The following GALK2 variants were observed in gnomAD, a reference collection of about 807,000 sequenced individuals.
GALK2 encodes galactokinase 2.
GALK2 carries 36 observed loss-of-function variants against 52.4 expected under a neutral mutation model. That is an observed-to-expected ratio of 0.69 (90% confidence interval 0.53 to 0.91). GALK2 has a LOEUF of 0.91. Among genes scored for constraint, GALK2 ranks in the 40% least tolerant of loss-of-function variants. The pLI is 0.00. For missense variants in GALK2, 579 were observed against 559.1 expected, an observed-to-expected ratio of 1.04 and a Z score of -0.36; for synonymous variants, 176 against 199.1, an observed-to-expected ratio of 0.88 and a Z score of 0.98.
intron 7 of GALK2, among the ~76,000 whole-genome samples, chr15:49,284,721 A>C (rs1205294219): frequency 6.6e-6 from 1 of 152,160 alleles, no homozygotes; most frequent in Admixed American, 6.5e-5. Context: ...GATTCAGCCT[A>C]ACTTCCAAAA....
chr15:49,330,152 G>T lies in GALK2; in HGVS notation c.*1993G>T, dbSNP rs1246111844. 6.6e-6 allele frequency: 1 copy of T among 152,248 alleles called. No homozygotes were observed. The highest frequency in any genetic ancestry group is 2.4e-5 in the African/African-American group (1 of 41,428). 9.4% of individuals were successfully genotyped at this position (152,248 alleles called of 1,614,324 possible). ...AGATGAGTAGAGTTTAAAAGCTGTGGAGTGCACACTGCAGATGAGCAAAGC... is the reference window on the plus strand; with the variant it reads ...AGATGAGTAGAGTTTAAAAGCTGTGTAGTGCACACTGCAGATGAGCAAAGC... On this transcript the variant is annotated 3_prime_UTR_variant, in exon 10 of 10. Transcript: ENST00000560031.
chr15:49,225,097 T>A (rs2090050604), intron 3 of GALK2: 1 of 409,138 alleles, frequency 2.4e-6, no homozygotes, highest in Non-Finnish European at 4.8e-6. Context: ...AGTAGTGGTC[T>A]ATAGTGGGGT....
chr15:49,219,368 C>A (rs1307863474), intron 3 of GALK2, among the ~76,000 whole-genome samples: 1 of 152,184 alleles, frequency 6.6e-6, no homozygotes, highest in Non-Finnish European at 1.5e-5. Context: ...TAAGACGTGA[C>A]TTGCTCCTCC....
intron 3 of GALK2, among the ~76,000 whole-genome samples, chr15:49,361,837 G>A (rs907335312): frequency 1.3e-5 from 2 of 152,084 alleles, no homozygotes; most frequent in Non-Finnish European, 2.9e-5. Context: ...TTTCCACAAC[G>A]GTTGAACTAA....
rs569080171 is a variant in GALK2, at chr15:49,239,003, G to T, written c.358-218G>T. 1.7e-4 allele frequency among the ~76,000 whole-genome samples: 26 copies of T among 152,032 alleles called. No homozygotes were observed. The South Asian group carries it at 4.8e-3, about 28-fold the overall frequency. ...ATATTCAAGAAAAAGAACATTCAAG[G>T]CAAGAAAATTAAAGGCATTTAAGGG... On this transcript the variant is annotated intron_variant, in intron 4 of 9. Coordinates refer to ENST00000560031, the MANE Select transcript of GALK2 (RefSeq NM_002044.4).
Position 49,181,615 on chromosome 15 carries a change from G to A in GALK2, c.53+11240G>A, listed in dbSNP as rs187299007. The stretch of plus-strand genomic sequence containing the variant: ...CAGCCTCCACCTCCTGGGTTCAAGC[G>A]ATTCTTGTGCCTCAGCCTCCCGAGT... On this transcript the variant is annotated intron_variant, in intron 1 of 9. Coordinates refer to ENST00000560031, the MANE Select transcript of GALK2 (RefSeq NM_002044.4). Among the ~76,000 whole-genome samples, 908 of 150,256 alleles carry A rather than the reference G, an allele frequency of 6.0e-3. 8 individuals carry two copies. The highest frequency in any genetic ancestry group is 9.9e-3 in the Non-Finnish European group (671 of 67,778).
At position 49,257,844 on chromosome 15, in the gene GALK2, A is replaced by C. The variant is rs184165929; in HGVS notation, c.504+18477A>C. On this transcript the variant is annotated intron_variant, in intron 5 of 9. Transcript: ENST00000560031. ...TAGAAATGATTATATGTTCCTTAAA[A>C]TTTTTTTAACTGTAAAAGCAATATA... Among the ~76,000 whole-genome samples, 326 of 151,506 alleles carry C rather than the reference A, an allele frequency of 2.2e-3. 2 individuals are homozygous for C. Among genetic ancestry groups the C allele is most frequent in the Middle Eastern group, 3.4e-3 (1 of 290 alleles).
chr15:49,214,496 ATT>A (rs35538212), intron 2 of GALK2, among the ~76,000 whole-genome samples: 22,603 of 129,904 alleles, frequency 0.17, 2,000 homozygotes, highest in Non-Finnish European at 0.21. Context: ...ACACCCGGCT[ATT>A]TTTTTTTTTT....
intron 5 of GALK2, among the ~76,000 whole-genome samples, chr15:49,260,764 G>A (rs1395791918): frequency 1.3e-5 from 2 of 151,924 alleles, no homozygotes; most frequent in Non-Finnish European, 1.5e-5. Context: ...GGAAGGGATC[G>A]AGTTTCAGCT....
intron 1 of GALK2, among the ~76,000 whole-genome samples, chr15:49,196,600 T>G (rs1375259120): frequency 1.3e-5 from 2 of 152,230 alleles, no homozygotes; most frequent in Admixed American, 6.5e-5. Flanking sequence ...GGTAAAATGT[T>G]TGATATATGT....
At chr15:49,359,916 A>T (rs1323927859) in intron 3 of GALK2, among the ~76,000 whole-genome samples, 1 of 148,984 alleles carries the variant, frequency 6.7e-6, no homozygotes, top group African/African-American at 2.5e-5. Context: ...GCCATAAAAA[A>T]TTATGAGTTC....
intron 5 of GALK2, among the ~76,000 whole-genome samples, chr15:49,249,680 A>G (rs2091505134): frequency 6.6e-6 from 1 of 152,236 alleles, no homozygotes; most frequent in Non-Finnish European, 1.5e-5. Context: ...AATTAGGAAT[A>G]AATAGTACTT....
At chr15:49,263,034 A>G (rs965023418) in intron 5 of GALK2, among the ~76,000 whole-genome samples, 1 of 141,872 alleles carries the variant, frequency 7.0e-6, no homozygotes. Flanking sequence ...GCTGAAAAAA[A>G]TGTATATTCT....
chr15:49,243,634 A>C (rs574063166), intron 5 of GALK2, among the ~76,000 whole-genome samples: 6 of 152,188 alleles, frequency 3.9e-5, no homozygotes, highest in Non-Finnish European at 8.8e-5. Flanking sequence ...CAAACAAAAA[A>C]AACAGAGAAA....
chr15:49,281,778 A>C lies in GALK2; in HGVS notation c.505-209A>C, dbSNP rs574508412. On this transcript the variant is annotated intron_variant, in intron 5 of 9. Coordinates refer to ENST00000560031, the MANE Select transcript of GALK2 (RefSeq NM_002044.4). ...ACATAGTGTGCACGGTCAATATCTT[A>C]TTCCATACCCATAGCAGACATTGTT... 7.9e-5 allele frequency among the ~76,000 whole-genome samples: 12 copies of C among 152,352 alleles called. No individual in the cohort carries two copies. In the South Asian group the frequency reaches 2.5e-3, roughly 32 times the overall value.
At chr15:49,300,107 A>C (rs1418303204) in intron 8 of GALK2, among the ~76,000 whole-genome samples, 1 of 151,954 alleles carries the variant, frequency 6.6e-6, no homozygotes, top group African/African-American at 2.4e-5. Flanking sequence ...TGGTTTTATA[A>C]ATCTGGGTGC....
At chr15:49,203,739 C>T (rs906563928) in intron 2 of GALK2, among the ~76,000 whole-genome samples, 1 of 152,136 alleles carries the variant, frequency 6.6e-6, no homozygotes, top group Non-Finnish European at 1.5e-5. Flanking sequence ...TATTCTTTTG[C>T]ATATGGATAT....
At chr15:49,293,036 G>A (rs1454125440) in intron 8 of GALK2, among the ~76,000 whole-genome samples, 2 of 152,194 alleles carry the variant, frequency 1.3e-5, no homozygotes, top group African/African-American at 4.8e-5. Context: ...CCAGGTAAAT[G>A]TTGCAGGCAC....
At chr15:49,304,565 T>C (rs2035391173) in intron 8 of GALK2, among the ~76,000 whole-genome samples, 2 of 152,214 alleles carry the variant, frequency 1.3e-5, no homozygotes, top group South Asian at 2.1e-4. Flanking sequence ...GCTCATTCGA[T>C]TGGCCAAAGC....
Sources: allele counts gnomAD v4.1 joint callset (sites outside exome capture counted in the v4.1 genomes callset), GRCh38; gene constraint gnomAD v4.1.1; transcripts MANE v1.5; gene names NCBI Gene and HGNC (gene_info 2026-07-23, HGNC 2026-07-21).